The following SOX30 variants were observed in gnomAD, a reference collection of about 807,000 sequenced individuals.
SOX30 encodes the protein transcription factor SOX-30.
A neutral mutation model predicts 58.6 loss-of-function variants in SOX30; 17 were observed. The ratio of observed to expected loss-of-function variants is 0.29; its 90% CI spans 0.20 to 0.44. The LOEUF is 0.44. Among genes scored for constraint, SOX30 ranks in the 20% least tolerant of loss-of-function variants. SOX30 has a pLI of 1.00. For synonymous variants in SOX30, 421 were observed against 400.2 expected (o/e 1.05, Z -0.62); for missense variants, 951 against 965.8 (o/e 0.98, Z 0.20).
chr5:157,669,636 C>T (rs2113862258), intron 1 of SOX30, among the ~76,000 whole-genome samples: 1 of 152,126 alleles, frequency 6.6e-6, no homozygotes, highest in East Asian at 1.9e-4. Flanking sequence ...CGTGCCTCAG[C>T]CTCCCTAGTG....
upstream of SOX30, among the ~76,000 whole-genome samples, chr5:157,656,539 T>G (rs987200582): frequency 1.3e-4 from 20 of 152,224 alleles, no homozygotes; most frequent in African/African-American, 4.6e-4. Context: ...AGTCAGACCT[T>G]ATCTGCACTT....
chr5:157,632,309 C>T (rs1431778020), intron 4 of SOX30, among the ~76,000 whole-genome samples: 5 of 152,170 alleles, frequency 3.3e-5, no homozygotes, highest in Admixed American at 6.6e-5. Flanking sequence ...AGTACTTCAC[C>T]GAATACTCAA....
chr5:157,652,400 G>A lies in SOX30; in HGVS notation c.-322C>T. ...CTTGTGGAGTTCTCTTACAGCCGTT[G>A]TCTTTAGTCATCCCTCCCCCACCCG... On this transcript the variant is annotated 5_prime_UTR_variant, in exon 1 of 5. Transcript: ENST00000265007. 1 of 1,081,158 alleles carries A rather than the reference G, an allele frequency of 9.2e-7. No homozygotes were observed. The highest frequency in any genetic ancestry group is 1.1e-6 in the Non-Finnish European group (1 of 892,766). The allele number at this position is 1,081,158 out of a possible 1,614,324, so 67.0% of individuals were successfully genotyped here. A position where few individuals can be genotyped will look rare whatever the true frequency, so the allele number is the denominator to read the frequency against.
rs1333551669 is a variant in SOX30, at chr5:157,625,909, G to A, written c.*431C>T. On this transcript the variant is annotated 3_prime_UTR_variant, in exon 5 of 5. Coordinates refer to ENST00000265007, the MANE Select transcript of SOX30 (RefSeq NM_178424.2). ...GGAGTTGTCAAAATACTTTCAAAAT[G>A]TTACATCAAAAATTGACAACATCCA... is the stretch of plus-strand genomic sequence containing the variant. 6.5e-6 allele frequency: 1 copy of A among 153,148 alleles called. No individual in the cohort carries two copies. The highest frequency in any genetic ancestry group is 1.5e-5 in the Non-Finnish European group (1 of 68,502). 9.5% of individuals were successfully genotyped at this position (153,148 alleles called of 1,614,324 possible). A position where few individuals can be genotyped will look rare whatever the true frequency, so the allele number is the denominator to read the frequency against.
intron 4 of SOX30, among the ~76,000 whole-genome samples, chr5:157,636,135 C>T (rs901543887): frequency 1.3e-5 from 2 of 152,102 alleles, no homozygotes; most frequent in Admixed American, 1.3e-4. Context: ...ATGCAACAAA[C>T]AAAAAAGTAG....
rs1561592102 is a variant in SOX30 at position 157,667,689 on chromosome 5, A to G, written c.52+109T>C. On this transcript the variant is annotated intron_variant, in intron 2 of 5. Transcript: ENST00000519442. ...AGGTCGCAGAGGCTGCAGTGACCTG[A>G]TATCATGCCACTGCCCTCCAGCCTG... The G allele has an allele frequency of 3.5e-6, 5 of 1,440,544 alleles. No homozygotes were observed. The East Asian group carries it at 7.6e-5, about 22-fold the overall frequency. The allele number at this position is 1,440,544 out of a possible 1,614,324, so 89.2% of individuals were successfully genotyped here.
At chr5:157,631,531 C>T (rs1243000954) in intron 4 of SOX30, among the ~76,000 whole-genome samples, 3 of 151,890 alleles carry the variant, frequency 2.0e-5, no homozygotes, top group Non-Finnish European at 2.9e-5. Context: ...GAGGCCGAGG[C>T]GTGTGGATCA....
upstream of SOX30, among the ~76,000 whole-genome samples, chr5:157,655,401 C>T (rs1159631183): frequency 6.6e-6 from 1 of 152,184 alleles, no homozygotes; most frequent in African/African-American, 2.4e-5. Flanking sequence ...AGAGTCCCTT[C>T]TAAGATTTAG....
Position 157,627,993 on chromosome 5 carries a change from CAAA to C in SOX30, c.1881-1275_1881-1273del, listed in dbSNP as rs1169422272. Among the ~76,000 whole-genome samples the C allele has an allele frequency of 1.1e-4, 12 of 108,860 alleles. No homozygotes were observed. The East Asian group carries it at 2.3e-3, about 20-fold the overall frequency. 71.4% of individuals were successfully genotyped at this position (108,860 alleles called of 152,430 possible). ...TGGGTGACAGAGTGAGACTCCATCT[CAAA>C]AAAAAAAAAAAAGTCAAATCCAAAA... is the stretch of plus-strand genomic sequence containing the variant. On this transcript the variant is annotated intron_variant, in intron 4 of 4. Transcript: ENST00000265007.
At chr5:157,641,966 A>G (rs746674366) in intron 3 of SOX30, among the ~76,000 whole-genome samples, 1 of 152,220 alleles carries the variant, frequency 6.6e-6, no homozygotes, top group Non-Finnish European at 1.5e-5. Context: ...AAGATCTAGT[A>G]CAGGACAAGT....
At chr5:157,644,340 A>T (rs985032074) in intron 3 of SOX30, among the ~76,000 whole-genome samples, 3 of 152,016 alleles carry the variant, frequency 2.0e-5, no homozygotes, top group Admixed American at 6.5e-5. Context: ...CAAAACAAAA[A>T]ACTAAGCACA....
Position 157,652,166 on chromosome 5 carries a change from A to C in SOX30, c.-88T>G. The C allele has an allele frequency of 5.1e-6, 7 of 1,373,716 alleles. No homozygotes were observed. Among genetic ancestry groups the C allele is most frequent in the Non-Finnish European group, 5.6e-6 (6 of 1,072,314 alleles). The allele number at this position is 1,373,716 out of a possible 1,614,324, so 85.1% of individuals were successfully genotyped here. A position where few individuals can be genotyped will look rare whatever the true frequency, so the allele number is the denominator to read the frequency against. The stretch of plus-strand genomic sequence containing the variant: ...CCCCCTTTCGGTTAAGAGCCTTGCA[A>C]GGCCTTTGCTACCCAGAACCCTACG... On this transcript the variant is annotated 5_prime_UTR_variant, in exon 1 of 5. Transcript: ENST00000265007.
chr5:157,658,254 T>TTG (rs1277788890), intron 2 of SOX30, among the ~76,000 whole-genome samples: 1 of 152,204 alleles, frequency 6.6e-6, no homozygotes, highest in Admixed American at 6.5e-5. Flanking sequence ...ATCAGGCCAA[T>TTG]TATAGTAAAG....
intron 3 of SOX30, among the ~76,000 whole-genome samples, chr5:157,642,185 G>A (rs565169197): frequency 4.4e-4 from 67 of 151,948 alleles, no homozygotes; most frequent in Admixed American, 4.0e-3. Context: ...GCGTGGTGGC[G>A]CTTGCCTGTA....
chr5:157,655,050 AC>A (rs1245776815), upstream of SOX30, among the ~76,000 whole-genome samples: 1 of 152,134 alleles, frequency 6.6e-6, no homozygotes, highest in East Asian at 1.9e-4. Flanking sequence ...AGATCCAAGA[AC>A]CCTCTTTTGG....
intron 3 of SOX30, among the ~76,000 whole-genome samples, chr5:157,644,857 T>C (rs1759149375): frequency 6.6e-6 from 1 of 152,130 alleles, no homozygotes; most frequent in South Asian, 2.1e-4. Flanking sequence ...GGTGTGCACC[T>C]GTAGTCTCAG....
rs1759374060 is a variant in SOX30 at position 157,652,186 on chromosome 5, C to T, written c.-108G>A. On this transcript the variant is annotated 5_prime_UTR_variant, in exon 1 of 5. Transcript: ENST00000265007. ...TTGCAAGGCCTTTGCTACCCAGAAC[C>T]CTACGCGGTTCAAAACGCAGCTGTC... is the stretch of plus-strand genomic sequence containing the variant. 2.2e-6 allele frequency: 3 copies of T among 1,338,320 alleles called. No homozygotes were observed. In the African/African-American group the frequency reaches 4.6e-5, roughly 21 times the overall value. The allele number at this position is 1,338,320 out of a possible 1,614,324, so 82.9% of individuals were successfully genotyped here. A position where few individuals can be genotyped will look rare whatever the true frequency, so the allele number is the denominator to read the frequency against.
intron 3 of SOX30, among the ~76,000 whole-genome samples, chr5:157,642,144 C>T (rs1236104373): frequency 1.3e-5 from 2 of 151,966 alleles, no homozygotes; most frequent in African/African-American, 2.4e-5. Flanking sequence ...TGCGAAACCC[C>T]GTCTCTACTA....
At chr5:157,645,548 G>A (rs1759168268) in intron 3 of SOX30, among the ~76,000 whole-genome samples, 1 of 151,884 alleles carries the variant, frequency 6.6e-6, no homozygotes, top group Non-Finnish European at 1.5e-5. Context: ...TATAGTCCCA[G>A]CTACTAGGGA....
Sources: allele counts gnomAD v4.1 joint callset (sites outside exome capture counted in the v4.1 genomes callset), GRCh38; gene constraint gnomAD v4.1.1; transcripts MANE v1.5; gene names NCBI Gene and HGNC (gene_info 2026-07-23, HGNC 2026-07-21).